Variants in CDH23 observed in about 807,000 individuals in gnomAD.
The protein encoded by CDH23 is cadherin-23.
In CDH23, 189 loss-of-function variants were observed where a neutral mutation model predicts 317.1. The observed-to-expected ratio is 0.60, with a 90% confidence interval of 0.53 to 0.67. The LOEUF (loss-of-function observed/expected upper bound fraction) is 0.67. CDH23 is among the 30% of genes least tolerant of loss of function. CDH23 has a pLI of 0.00. For synonymous variants in CDH23, 1,839 were observed against 1,876.8 expected (o/e 0.98, Z 0.52); for missense variants, 4,401 against 4,592.4 (o/e 0.96, Z 1.20).
At chr10:71,457,616 G>T (rs1367216014) in intron 3 of CDH23, among the ~76,000 whole-genome samples, 1 of 152,208 alleles carries the variant, frequency 6.6e-6, no homozygotes, top group Non-Finnish European at 1.5e-5. Flanking sequence ...AGGTTGGCCA[G>T]CCCAGCTCAA....
chr10:71,688,859 G>A (rs1390362648), intron 19 of CDH23, among the ~76,000 whole-genome samples: 1 of 115,128 alleles, frequency 8.7e-6, no homozygotes, highest in African/African-American at 3.1e-5. Context: ...AGTCAGGGGT[G>A]GTGGAGTCAG....
At position 71,690,542 on chromosome 10, in the gene CDH23, T is replaced by G; in HGVS notation, c.2134T>G (p.Ser712Ala). ...REYGQESIIY[S>A]LEGSTQFRIN... The stretch of plus-strand genomic sequence containing the variant: ...GTACGGCCAGGAGTCCATCATCTAC[T>G]CCTTGGAAGGCTCCACCCAGTTTCG... The change falls in exon 20 of 70, where the codon TCC becomes GCC. Residue 712 changes from serine (S) to alanine (A), a missense_variant. Physicochemically the swap from Ser to Ala is moderately conservative, Grantham distance 99. Transcript: ENST00000224721. 6.2e-7 allele frequency: 1 copy of G among 1,610,166 alleles called. No individual in the cohort carries two copies. Among genetic ancestry groups the G allele is most frequent in the Non-Finnish European group, 8.5e-7 (1 of 1,178,416 alleles).
intron 11 of CDH23, among the ~76,000 whole-genome samples, chr10:71,640,162 C>T (rs1862469194): frequency 7.2e-5 from 11 of 152,178 alleles, no homozygotes; most frequent in Admixed American, 6.5e-4. Flanking sequence ...AGGTAGTTAA[C>T]CAGAAGCTAC....
rs946140495 is a variant in CDH23 at position 71,703,763 on chromosome 10, C to T, written c.2733+1069C>T. Among the ~76,000 whole-genome samples, 9 of 152,274 alleles carry T rather than the reference C, an allele frequency of 5.9e-5. No homozygotes were observed. The East Asian group carries it at 1.5e-3, about 26-fold the overall frequency. On this transcript the variant is annotated intron_variant, in intron 24 of 69. Coordinates refer to ENST00000224721, the MANE Select transcript of CDH23 (RefSeq NM_022124.6). ...AGGTCCCCAAACTCCCAGCAGGGAGCGCCTCAATCCAGGGAACGGCAGTCG... is the reference window on the plus strand; with the variant it reads ...AGGTCCCCAAACTCCCAGCAGGGAGTGCCTCAATCCAGGGAACGGCAGTCG...
intron 17 of CDH23, among the ~76,000 whole-genome samples, chr10:71,681,230 C>T (rs1369231847): frequency 1.3e-5 from 2 of 152,088 alleles, no homozygotes; most frequent in Admixed American, 6.6e-5. Context: ...ATTACTAAAG[C>T]AATAATCTTG....
At chr10:71,479,507 A>C (rs148996129) in intron 3 of CDH23, among the ~76,000 whole-genome samples, 1 of 152,174 alleles carries the variant, frequency 6.6e-6, no homozygotes, top group East Asian at 1.9e-4. Context: ...TTGGAGAGAC[A>C]CAACAGGCTC....
At chr10:71,813,139 AC>A in intron 68 of CDH23, 104 bp from the exon 69 acceptor site, 1 of 1,208,372 alleles carries the variant, frequency 8.3e-7, no homozygotes, top group Non-Finnish European at 1.2e-6. Context: ...CCCTAGGATC[AC>A]CAGGATCAGA....
At chr10:71,477,232 G>T (rs548086085) in intron 3 of CDH23, among the ~76,000 whole-genome samples, 1 of 152,112 alleles carries the variant, frequency 6.6e-6, no homozygotes. Flanking sequence ...GCATTGGCGC[G>T]ATCTCTGCTT....
chr10:71,737,560 TC>T, intron 34 of CDH23, among the ~76,000 whole-genome samples: 1 of 152,214 alleles, frequency 6.6e-6, no homozygotes, highest in Admixed American at 6.5e-5. Context: ...TCCCCATGAG[TC>T]CTGTGCAGAG....
intron 1 of CDH23, among the ~76,000 whole-genome samples, chr10:71,425,845 AG>A (rs2131964916): frequency 6.6e-6 from 1 of 152,350 alleles, no homozygotes; most frequent in South Asian, 2.1e-4. Context: ...GCAGAGTTAA[AG>A]TCATCACGGA....
At chr10:71,666,655 AC>A in intron 14 of CDH23, among the ~76,000 whole-genome samples, 1 of 152,150 alleles carries the variant, frequency 6.6e-6, no homozygotes, top group Middle Eastern at 3.4e-3. Flanking sequence ...ATTGGCTTCT[AC>A]CTCACACGCC....
chr10:71,718,725 C>G (rs986762420), intron 28 of CDH23, among the ~76,000 whole-genome samples: 1 of 152,204 alleles, frequency 6.6e-6, no homozygotes, highest in African/African-American at 2.4e-5. Flanking sequence ...CCCTACTGGG[C>G]TAGCAAATAG....
At chr10:71,766,368 C>T (rs913311698) in intron 38 of CDH23, among the ~76,000 whole-genome samples, 5 of 152,162 alleles carry the variant, frequency 3.3e-5, no homozygotes, top group African/African-American at 4.8e-5. Flanking sequence ...CGCCCGCCAC[C>T]CGCCACCTGC....
chr10:71,571,862 C>T (rs1031471832), intron 8 of CDH23, among the ~76,000 whole-genome samples: 1 of 152,226 alleles, frequency 6.6e-6, no homozygotes, highest in African/African-American at 2.4e-5. Flanking sequence ...GCGTTCAGGG[C>T]CCCACCCGCA....
intron 9 of CDH23, among the ~76,000 whole-genome samples, chr10:71,611,357 G>C (rs1232869107): frequency 1.3e-5 from 2 of 152,122 alleles, no homozygotes; most frequent in Admixed American, 6.5e-5. Context: ...CCTCAGTTCA[G>C]GGCAGCCTGT....
chr10:71,690,774 A>G (rs535333587), intron 20 of CDH23, among the ~76,000 whole-genome samples, 190 bp downstream of exon 20: 1 of 152,352 alleles, frequency 6.6e-6, no homozygotes, highest in Middle Eastern at 3.4e-3. Flanking sequence ...AAAAATCACA[A>G]CGTGAATTGA....
Position 71,645,885 on chromosome 10 carries a change from A to G in CDH23, c.1195A>G (p.Ile399Val). Residue 399 changes from isoleucine (I) to valine (V), a missense_variant, in exon 13 of 70, where the codon ATC (isoleucine) becomes GTC (valine). By Grantham distance (29) the Ile-to-Val change is conservative. Transcript: ENST00000224721. ...GGTGGGGAACAACTCCCACCACTTC[A>G]TCATCTCCCCGACCTCCGTCCAGGG... is the stretch of plus-strand genomic sequence containing the variant. ...YLVGNNSHHF[I>V]ISPTSVQGKA... 1.2e-6 allele frequency: 2 copies of G among 1,613,512 alleles called. No homozygotes were observed. The highest frequency in any genetic ancestry group is 8.5e-7 in the Non-Finnish European group (1 of 1,179,558).
chr10:71,491,588 G>A (rs534495608), intron 3 of CDH23, among the ~76,000 whole-genome samples: 2 of 152,234 alleles, frequency 1.3e-5, no homozygotes, highest in East Asian at 1.9e-4. Flanking sequence ...CATACTCTAC[G>A]CCCTTCATTT....
At chr10:71,713,336 A>C in intron 28 of CDH23, 1 of 775,240 alleles carries the variant, frequency 1.3e-6, no homozygotes, top group Non-Finnish European at 2.4e-6. Context: ...TTGGGTGTGC[A>C]CCCACACCTC....
Sources: gnomAD v4.1 joint callset for allele counts (sites outside exome capture counted in the v4.1 genomes callset) on GRCh38, gnomAD v4.1.1 for gene constraint, MANE v1.5 for transcripts, NCBI Gene and HGNC (gene_info 2026-07-23, HGNC 2026-07-21) for gene names.